GALNT17: variants seen among roughly 807,000 people sequenced by gnomAD.
GALNT17 encodes polypeptide N-acetylgalactosaminyltransferase 17, also known as UDP-GalNAc:polypeptide N-acetylgalactosaminyltransferase-like 3.
A neutral mutation model predicts 63.7 loss-of-function variants in GALNT17; 29 were observed. That is an observed-to-expected ratio of 0.46 (90% CI 0.34 to 0.62). The LOEUF is 0.62. Ranked by LOEUF, GALNT17 falls within the 20% of genes least tolerant of loss-of-function variation. The pLI is 0.01. For missense variants in GALNT17, 603 were observed against 799.6 expected, an observed-to-expected ratio of 0.75 and a Z score of 2.97; for synonymous variants, 305 against 318.3, an observed-to-expected ratio of 0.96 and a Z score of 0.45.
chr7:71,522,541 G>A (rs1023447272), intron 5 of GALNT17, among the ~76,000 whole-genome samples: 1 of 152,112 alleles, frequency 6.6e-6, no homozygotes, highest in Admixed American at 6.6e-5. Flanking sequence ...ATCAGATCTT[G>A]TGAGACTTAT....
intron 1 of GALNT17, among the ~76,000 whole-genome samples, chr7:71,287,138 G>A (rs1456100380): frequency 6.6e-6 from 1 of 152,082 alleles, no homozygotes; most frequent in Admixed American, 6.6e-5. Context: ...TGCTCAGGCT[G>A]GAGTGCCGTG....
chr7:71,610,847 A>G (rs1790114361), intron 6 of GALNT17, among the ~76,000 whole-genome samples: 3 of 151,946 alleles, frequency 2.0e-5, no homozygotes, highest in East Asian at 2.0e-4. Context: ...TAAGCCAGGC[A>G]TGGTGGCATG....
intron 1 of GALNT17, among the ~76,000 whole-genome samples, chr7:71,139,612 C>G (rs1428211640): frequency 2.0e-5 from 3 of 152,052 alleles, no homozygotes; most frequent in African/African-American, 7.2e-5. Flanking sequence ...ACAACCCACC[C>G]AACAGAACTC....
chr7:71,182,737 C>T (rs1788756485), intron 1 of GALNT17, among the ~76,000 whole-genome samples: 1 of 151,964 alleles, frequency 6.6e-6, no homozygotes, highest in African/African-American at 2.4e-5. Context: ...GCAGAGCTGG[C>T]CGGCTCCAGC....
chr7:71,434,926 G>A (rs1207409275), intron 5 of GALNT17, among the ~76,000 whole-genome samples: 2 of 152,194 alleles, frequency 1.3e-5, no homozygotes, highest in African/African-American at 4.8e-5. Context: ...ACAAAATTCT[G>A]TTTGCTTTCT....
chr7:71,653,495 T>A (rs948620114), intron 6 of GALNT17, among the ~76,000 whole-genome samples: 1 of 151,892 alleles, frequency 6.6e-6, no homozygotes, highest in African/African-American at 2.4e-5. Flanking sequence ...AGCCTCTGCC[T>A]CCCAGGTTCA....
intron 5 of GALNT17, among the ~76,000 whole-genome samples, chr7:71,439,886 T>C (rs938275729): frequency 1.4e-4 from 21 of 151,716 alleles, no homozygotes; most frequent in African/African-American, 5.1e-4. Context: ...GCTCTTATTT[T>C]GGTAGCTTTA....
chr7:71,357,191 G>C (rs75012092), intron 2 of GALNT17, among the ~76,000 whole-genome samples: 2,167 of 152,262 alleles, frequency 0.014, 27 homozygotes, highest in Middle Eastern at 0.027. Flanking sequence ...CCATGGACTG[G>C]TACGAGTTTG....
intron 1 of GALNT17, among the ~76,000 whole-genome samples, chr7:71,184,571 T>C (rs958869015): frequency 6.6e-6 from 1 of 152,172 alleles, no homozygotes; most frequent in African/African-American, 2.4e-5. Context: ...AGTTAGAAAC[T>C]GCCCCGCTGA....
intron 1 of GALNT17, among the ~76,000 whole-genome samples, chr7:71,252,064 G>A (rs76514853): frequency 1.4e-3 from 218 of 152,188 alleles, no homozygotes; most frequent in African/African-American, 4.5e-3. Context: ...TTGTCCTTCC[G>A]ACATGGGACA....
At chr7:71,576,501 C>T (rs559321954) in intron 6 of GALNT17, among the ~76,000 whole-genome samples, 51 of 151,096 alleles carry the variant, frequency 3.4e-4, no homozygotes, top group African/African-American at 1.2e-3. Context: ...TTCTCTGCAG[C>T]CTTGCCAGCA....
At chr7:71,208,229 G>T (rs1008858652) in intron 1 of GALNT17, among the ~76,000 whole-genome samples, 3 of 151,974 alleles carry the variant, frequency 2.0e-5, no homozygotes, top group African/African-American at 7.2e-5. Context: ...GAGCCAGCAC[G>T]CCTGGCCCAT....
chr7:71,235,756 C>G (rs1019246969), intron 1 of GALNT17, among the ~76,000 whole-genome samples: 2 of 152,186 alleles, frequency 1.3e-5, no homozygotes, highest in African/African-American at 4.8e-5. Context: ...AGCTCCAGCA[C>G]CGGGAAGCAT....
rs527578764 is a variant in GALNT17 at position 71,162,123 on chromosome 7, CCCTTCCTTCCTT to C, written c.238+29119_238+29130del. Among the ~76,000 whole-genome samples the C allele has an allele frequency of 1.9e-3, 104 of 53,796 alleles. 1 individual carries two copies. The highest frequency in any genetic ancestry group is 5.2e-3 in the Admixed American group (23 of 4,418). The allele number at this position is 53,796 out of a possible 152,430, so 35.3% of individuals were successfully genotyped here. The stretch of plus-strand genomic sequence containing the variant: ...TCCCTTCCTTCCTCCCTCCCTCCCT[CCCTTCCTTCCTT>C]CCTTCCTTCCTTCCTTCCTTCCTTC... On this transcript the variant is annotated intron_variant, in intron 1 of 10. Transcript: ENST00000333538.
At chr7:71,261,046 C>A in intron 1 of GALNT17, among the ~76,000 whole-genome samples, 1 of 152,220 alleles carries the variant, frequency 6.6e-6, no homozygotes, top group Non-Finnish European at 1.5e-5. Context: ...TGCAGGGATT[C>A]CCCTATGTGT....
intron 6 of GALNT17, among the ~76,000 whole-genome samples, chr7:71,613,791 G>GATTT (rs1365368364): frequency 7.2e-6 from 1 of 139,300 alleles, no homozygotes; most frequent in East Asian, 2.0e-4. Context: ...CCATCTCTAT[G>GATTT]ATTTTTTTTT....
chr7:71,238,840 C>T (rs1583788240), intron 1 of GALNT17, among the ~76,000 whole-genome samples: 1 of 152,128 alleles, frequency 6.6e-6, no homozygotes, highest in Admixed American at 6.5e-5. Context: ...ACCATGTGTG[C>T]CACTTCTGAA....
intron 3 of GALNT17, among the ~76,000 whole-genome samples, chr7:71,406,531 C>G (rs1430753359): frequency 6.6e-6 from 1 of 152,206 alleles, no homozygotes; most frequent in African/African-American, 2.4e-5. Flanking sequence ...AAGAAACCCC[C>G]TAGGTTGCAT....
intron 1 of GALNT17, among the ~76,000 whole-genome samples, chr7:71,158,749 G>C (rs1272416471): frequency 6.6e-6 from 1 of 151,580 alleles, no homozygotes; most frequent in Non-Finnish European, 1.5e-5. Flanking sequence ...GCTAATTTTT[G>C]TATTTTTAGT....
Sources: allele counts gnomAD v4.1 joint callset (sites outside exome capture counted in the v4.1 genomes callset), GRCh38; gene constraint gnomAD v4.1.1; transcripts MANE v1.5; gene names NCBI Gene and HGNC (gene_info 2026-07-23, HGNC 2026-07-21).